Variants in LYPD6 observed in about 807,000 individuals in gnomAD.
LYPD6 encodes the protein LY6/PLAUR domain containing 6.
LYPD6 carries 15 observed loss-of-function variants against 22.7 expected under a neutral mutation model. The ratio of observed to expected loss-of-function variants is 0.66; its 90% confidence interval spans 0.44 to 1.02. The LOEUF is 1.02. Ranked by LOEUF, LYPD6 falls within the 50% of genes least tolerant of loss-of-function variation. The probability of loss-of-function intolerance (pLI) is 0.00; values close to 1 mark genes in which losing one functional copy is unlikely to be tolerated. For missense variants in LYPD6, 189 were observed against 208.4 expected, an observed-to-expected ratio of 0.91 and a Z score of 0.57; for synonymous variants, 72 against 77.5, an observed-to-expected ratio of 0.93 and a Z score of 0.37.
At chr2:149,407,141 C>T (rs190049382) in intron 1 of LYPD6, among the ~76,000 whole-genome samples, 2 of 152,188 alleles carry the variant, frequency 1.3e-5, no homozygotes, top group African/African-American at 4.8e-5. Flanking sequence ...GTTAACCCGA[C>T]CGTTCTCTCT....
chr2:149,367,841 C>A (rs1203746395), intron 1 of LYPD6: 1 of 152,142 alleles, frequency 6.6e-6, no homozygotes, highest in East Asian at 1.9e-4. Flanking sequence ...TTATCTTTTC[C>A]TTCTCATTTT....
chr2:149,448,236 T>C (rs1217517424), intron 2 of LYPD6, among the ~76,000 whole-genome samples: 1 of 152,160 alleles, frequency 6.6e-6, no homozygotes, highest in Non-Finnish European at 1.5e-5. Context: ...GAGGTTGCCA[T>C]GAGCTGAGAT....
chr2:149,426,802 A>G (rs1302501766), intron 1 of LYPD6, among the ~76,000 whole-genome samples: 1 of 152,180 alleles, frequency 6.6e-6, no homozygotes, highest in Non-Finnish European at 1.5e-5. Context: ...AAAACCCTTA[A>G]TAATGTGGGT....
At chr2:149,426,839 GTGGGGTGGGAGAA>G (rs1484179033) in intron 1 of LYPD6, among the ~76,000 whole-genome samples, 2 of 152,180 alleles carry the variant, frequency 1.3e-5, no homozygotes, top group Non-Finnish European at 2.9e-5. Context: ...AAGACATTGG[GTGGGGTGGGAGAA>G]TGAACTGATC....
chr2:149,397,686 C>T (rs1682456582), intron 1 of LYPD6, among the ~76,000 whole-genome samples: 1 of 152,324 alleles, frequency 6.6e-6, no homozygotes, highest in Non-Finnish European at 1.5e-5. Flanking sequence ...TTTGCTTTTA[C>T]TCTGAGAGCT....
At chr2:149,340,359 T>C (rs1681137057) in intron 1 of LYPD6, among the ~76,000 whole-genome samples, 1 of 152,204 alleles carries the variant, frequency 6.6e-6, no homozygotes, top group Non-Finnish European at 1.5e-5. Flanking sequence ...ATCATTTACT[T>C]GCACTTATAA....
chr2:149,337,631 TA>T (rs112491538), intron 1 of LYPD6, among the ~76,000 whole-genome samples: 1,783 of 149,868 alleles, frequency 0.012, 23 homozygotes, highest in African/African-American at 0.036. Context: ...TGGCCCCCTT[TA>T]AAAAAAAAAC....
chr2:149,337,688 T>C (rs1208969139), intron 1 of LYPD6, among the ~76,000 whole-genome samples: 1 of 152,166 alleles, frequency 6.6e-6, no homozygotes, highest in Non-Finnish European at 1.5e-5. Flanking sequence ...GTTAGATAGG[T>C]AAATTGCATG....
chr2:149,449,802 CTA>C lies in LYPD6; in HGVS notation c.217+657_217+658del, dbSNP rs369764172. Among the ~76,000 whole-genome samples the C allele has an allele frequency of 2.7e-3, 409 of 152,214 alleles. 1 individual carries two copies. Among genetic ancestry groups the C allele is most frequent in the African/African-American group, 9.2e-3 (383 of 41,550 alleles). On this transcript the variant is annotated intron_variant, in intron 3 of 4. Transcript: ENST00000334166. ...TGGCTATTTTACTTTGGAGGAAAGT[CTA>C]TTTATTTGGTGGGGGTAGAGATAAT...
At chr2:149,353,327 C>G (rs1025049378) in intron 1 of LYPD6, among the ~76,000 whole-genome samples, 1 of 152,126 alleles carries the variant, frequency 6.6e-6, no homozygotes, top group African/African-American at 2.4e-5. Context: ...GGTTCCAAAA[C>G]GAAAACCTCA....
In LYPD6 at chr2:149,437,812, A is replaced by C. The variant is rs1420795928; in HGVS notation, c.104A>C (p.Tyr35Ser). Reference sequence around the variant, plus strand: ...GACTTCACAGTGAAAGACATTATCTACCTCCATCCTTCAAGTAAGACTGTT... The same window carrying C: ...GACTTCACAGTGAAAGACATTATCTCCCTCCATCCTTCAAGTAAGACTGTT... ...SRDFTVKDII[Y>S]LHPSTTPYPG... The change falls in exon 2 of 5, where the codon TAC becomes TCC. Residue 35 changes from tyrosine (Y) to serine (S), a missense_variant. Coordinates refer to ENST00000334166, the MANE Select transcript of LYPD6 (RefSeq NM_194317.5). 6.2e-7 allele frequency: 1 copy of C among 1,614,108 alleles called. No individual in the cohort carries two copies.
At chr2:149,336,928 C>CGTGTGT (rs1553513649) in intron 1 of LYPD6, among the ~76,000 whole-genome samples, 2 of 148,450 alleles carry the variant, frequency 1.3e-5, no homozygotes, top group Non-Finnish European at 3.0e-5. Flanking sequence ...GTTGAAATAA[C>CGTGTGT]GTGTGTGTGT....
chr2:149,418,115 T>C (rs1683003398), intron 1 of LYPD6, among the ~76,000 whole-genome samples: 1 of 152,210 alleles, frequency 6.6e-6, no homozygotes, highest in South Asian at 2.1e-4. Context: ...TTGCATGGGC[T>C]CGATCTCTAT....
chr2:149,381,644 G>C (rs555517603), intron 1 of LYPD6, among the ~76,000 whole-genome samples: 1 of 152,192 alleles, frequency 6.6e-6, no homozygotes, highest in Admixed American at 6.5e-5. Context: ...GTGAGAGCAC[G>C]AGTGGACTAA....
rs1016832035 is a variant in LYPD6, at chr2:149,446,522, T to C, written c.119-2527T>C. Among the ~76,000 whole-genome samples, 215 of 152,326 alleles carry C rather than the reference T, an allele frequency of 1.4e-3. 2 individuals are homozygous for C. Among genetic ancestry groups the C allele is most frequent in the Non-Finnish European group, 9.6e-4 (65 of 68,036 alleles). ...GTAATGTGAAGGTATAAAAAATATT[T>C]GTTTATAGTTTACAAAATACTTCTC... On this transcript the variant is annotated intron_variant, in intron 2 of 4. Transcript: ENST00000334166.
intron 1 of LYPD6, among the ~76,000 whole-genome samples, chr2:149,434,610 C>T (rs1683389923): frequency 6.6e-6 from 1 of 152,070 alleles, no homozygotes; most frequent in African/African-American, 2.4e-5. Flanking sequence ...TATGGCAAAA[C>T]AAAGGATGAG....
intron 1 of LYPD6, among the ~76,000 whole-genome samples, chr2:149,406,661 A>T (rs1682717595): frequency 6.6e-6 from 1 of 152,192 alleles, no homozygotes; most frequent in Admixed American, 6.5e-5. Context: ...AATACAGCAC[A>T]CTGATTTGTC....
intron 1 of LYPD6, among the ~76,000 whole-genome samples, chr2:149,387,452 G>A (rs998079520): frequency 6.6e-6 from 1 of 152,172 alleles, no homozygotes; most frequent in African/African-American, 2.4e-5. Context: ...TGACTGGTAT[G>A]TTAATTTCAC....
At chr2:149,477,347 G>A (rs189615187), downstream of LYPD6, among the ~76,000 whole-genome samples, 1 of 152,176 alleles carries the variant, frequency 6.6e-6, no homozygotes, top group African/African-American at 2.4e-5. Context: ...GGTCAGCCGG[G>A]CGTGGTGGCT....
Sources: gnomAD v4.1 joint callset for allele counts (sites outside exome capture counted in the v4.1 genomes callset) on GRCh38, gnomAD v4.1.1 for gene constraint, MANE v1.5 for transcripts, NCBI Gene and HGNC (gene_info 2026-07-23, HGNC 2026-07-21) for gene names.